Variants in TBC1D9B observed in about 807,000 individuals in gnomAD.
TBC1D9B encodes TBC1 domain family, member 9B (with GRAM domain).
A neutral mutation model predicts 121.1 loss-of-function variants in TBC1D9B; 87 were observed. The ratio of observed to expected loss-of-function variants is 0.72; its 90% CI spans 0.60 to 0.86. The LOEUF (loss-of-function observed/expected upper bound fraction) is 0.86, where lower values mean the gene tolerates loss of function less well. TBC1D9B is among the 40% of genes least tolerant of loss of function. The probability of loss-of-function intolerance (pLI) is 0.00; values close to 1 mark genes in which losing one functional copy is unlikely to be tolerated. For missense variants in TBC1D9B, 1,540 were observed against 1,628.6 expected (o/e 0.95, Z 0.94); for synonymous variants, 668 against 670.1 (o/e 1.00, Z 0.05).
intron 3 of TBC1D9B, among the ~76,000 whole-genome samples, chr5:179,897,521 T>C (rs975951047): frequency 6.6e-6 from 1 of 151,930 alleles, no homozygotes; most frequent in Non-Finnish European, 1.5e-5. Flanking sequence ...GGTTTTGCCA[T>C]GTTGGCAAAG....
chr5:179,863,535 G>A lies in TBC1D9B; in HGVS notation c.3615C>T (p.Asp1205=), dbSNP rs1759909110. The change falls in exon 21 of 21, where the codon GAC becomes GAT. Residue 1205 remains aspartate (D), a synonymous_variant. Transcript: ENST00000355235. This position sits in a 1 kb window ranked among gnomAD's most constrained non-coding sequence, Gnocchi z 4.5. ...VLVNFFEKRV[D]IGLKIKDQKK... Reference sequence around the variant, plus strand: ...TTTGGTCCTTGATCTTGAGTCCAATGTCCACTCTCTTCTCAAAGAAGTTCA... The same window carrying A: ...TTTGGTCCTTGATCTTGAGTCCAATATCCACTCTCTTCTCAAAGAAGTTCA... 5 of 1,614,176 alleles carry A rather than the reference G, an allele frequency of 3.1e-6. No homozygotes were observed. Among genetic ancestry groups the A allele is most frequent in the Non-Finnish European group, 4.2e-6 (5 of 1,180,036 alleles).
chr5:179,864,926 G>A (rs1217460050), intron 20 of TBC1D9B, among the ~76,000 whole-genome samples: 1 of 152,246 alleles, frequency 6.6e-6, no homozygotes, highest in African/African-American at 2.4e-5. Context: ...ATGCATGTGA[G>A]CCTGCGTGTG....
At chr5:179,887,729 C>A (rs775226994) in intron 7 of TBC1D9B, 55 of 277,716 alleles carry the variant, frequency 2.0e-4, no homozygotes, top group Admixed American at 2.2e-4. Flanking sequence ...GCAGTTCTAC[C>A]GTCAAGAACT....
At chr5:179,872,517 G>A (rs1760234185) in intron 14 of TBC1D9B, 1 of 255,820 alleles carries the variant, frequency 3.9e-6, no homozygotes, top group Admixed American at 5.0e-5. Context: ...GAGAACAGCA[G>A]CTTGTGGCAG....
chr5:179,901,228 C>T (rs32462), intron 2 of TBC1D9B, among the ~76,000 whole-genome samples: 46,447 of 152,050 alleles, frequency 0.31, 12,183 homozygotes, highest in African/African-American at 0.72. Context: ...ATCCATAATT[C>T]ACTTTAAACT....
rs1759969494 is a variant in TBC1D9B at position 179,865,129 on chromosome 5, T to C, written c.3021+125A>G. On this transcript the variant is annotated intron_variant, in intron 20 of 20. Coordinates refer to ENST00000355235, the MANE Select transcript of TBC1D9B (RefSeq NM_015043.4). This position sits in a 1 kb window ranked among gnomAD's most constrained non-coding sequence, Gnocchi z 5.1. ...TGACTGGCAACCAGGACTAACGGGC[T>C]CTAGAGGCAGGGAGGAGCCTTCCCA... 1.1e-6 allele frequency: 1 copy of C among 872,896 alleles called. No individual in the cohort carries two copies. The highest frequency in any genetic ancestry group is 1.9e-6 in the Non-Finnish European group (1 of 539,424). 54.1% of individuals were successfully genotyped at this position (872,896 alleles called of 1,614,324 possible).
At chr5:179,870,563 G>A (rs1278838432) in intron 15 of TBC1D9B, 68 bp from the exon 16 acceptor site, 1 of 1,512,796 alleles carries the variant, frequency 6.6e-7, no homozygotes, top group African/African-American at 1.4e-5. Context: ...CCCTAGGCTG[G>A]TGGTGTGTCC....
chr5:179,880,939 C>G (rs116649268), intron 7 of TBC1D9B, among the ~76,000 whole-genome samples: 10 of 152,124 alleles, frequency 6.6e-5, no homozygotes, highest in Middle Eastern at 3.2e-3. Context: ...CCAGAGGGAC[C>G]GACTAGGACA....
At chr5:179,883,104 C>A (rs1760585618) in intron 7 of TBC1D9B, among the ~76,000 whole-genome samples, 1 of 152,188 alleles carries the variant, frequency 6.6e-6, no homozygotes, top group African/African-American at 2.4e-5. Context: ...AGTGATCTGC[C>A]TGCTTCAGCC....
chr5:179,900,187 C>A (rs1392601612), intron 2 of TBC1D9B, among the ~76,000 whole-genome samples: 1 of 152,148 alleles, frequency 6.6e-6, no homozygotes, highest in Non-Finnish European at 1.5e-5. Context: ...CAAAGTGAGA[C>A]CTCGTCTCAA....
chr5:179,869,848 C>G lies in TBC1D9B; in HGVS notation c.2726-14G>C, dbSNP rs773143780. The stretch of plus-strand genomic sequence containing the variant: ...GGTACATCCCGCCTGTGGAGAAGGC[C>G]AGGGAGGGCTGGGTCTGGCAACATG... On this transcript the variant is annotated splice_polypyrimidine_tract_variant and intron_variant, in intron 16 of 20. Transcript: ENST00000355235. 2 of 1,537,982 alleles carry G rather than the reference C, an allele frequency of 1.3e-6. No homozygotes were observed. The highest frequency in any genetic ancestry group is 2.8e-5 in the African/African-American group (2 of 72,566).
chr5:179,891,378 C>T lies in TBC1D9B; in HGVS notation c.1044+1G>A. ...TGGCCTCTCAACTAGGGGATGCTGA[C>T]CTCCCTCAGGGGTATGATGAGGTGG... On this transcript the variant is annotated splice_donor_variant, in intron 6 of 20. Transcript: ENST00000355235. LOFTEE classifies it high-confidence loss of function. This position sits in a 1 kb window ranked among gnomAD's most constrained non-coding sequence, Gnocchi z 4.3. The T allele has an allele frequency of 6.2e-7, 1 of 1,614,212 alleles. No individual in the cohort carries two copies. Among genetic ancestry groups the T allele is most frequent in the Non-Finnish European group, 8.5e-7 (1 of 1,180,030 alleles).
In TBC1D9B at chr5:179,865,906, T is replaced by C; in HGVS notation, c.2864-18A>G. On this transcript the variant is annotated intron_variant, in intron 18 of 20. Coordinates refer to ENST00000355235, the MANE Select transcript of TBC1D9B (RefSeq NM_015043.4). The surrounding 1 kb of genome is among the most constrained non-coding windows in gnomAD (Gnocchi z 5.1). ...TAGTGCTTCTGGACAAACGCAAAAA[T>C]AAAAAGAACATGAATAACATTCTGC... is the stretch of plus-strand genomic sequence containing the variant. 2 of 1,613,720 alleles carry C rather than the reference T, an allele frequency of 1.2e-6. No individual in the cohort carries two copies. The highest frequency in any genetic ancestry group is 1.7e-6 in the Non-Finnish European group (2 of 1,179,818).
chr5:179,894,459 G>T lies in TBC1D9B; in HGVS notation c.504C>A (p.Arg168=). ...NYYSCSYWKG[R]VPRQGWLYLT... is the part of the protein sequence containing the mutation. Reference sequence around the variant, plus strand: ...GGTACAGCCAGCCCTGCCGGGGCACGCGGCCCTTCCAGTAGCTGCAGGAGT... The same window carrying T: ...GGTACAGCCAGCCCTGCCGGGGCACTCGGCCCTTCCAGTAGCTGCAGGAGT... The change falls in exon 4 of 21, where the codon CGC becomes CGA. Residue 168 remains arginine (R), a synonymous_variant. Coordinates refer to ENST00000355235, the MANE Select transcript of TBC1D9B (RefSeq NM_015043.4). 1.9e-6 allele frequency: 3 copies of T among 1,614,184 alleles called. No homozygotes were observed. The highest frequency in any genetic ancestry group is 1.1e-5 in the South Asian group (1 of 91,090).
At chr5:179,892,057 G>A (rs460899) in intron 5 of TBC1D9B, among the ~76,000 whole-genome samples, 2 of 152,140 alleles carry the variant, frequency 1.3e-5, no homozygotes, top group African/African-American at 2.4e-5. Flanking sequence ...TAAAGCATGC[G>A]GCTGCTAACA....
intron 7 of TBC1D9B, among the ~76,000 whole-genome samples, chr5:179,886,529 T>C (rs1760690404): frequency 6.6e-6 from 1 of 152,188 alleles, no homozygotes; most frequent in African/African-American, 2.4e-5. Flanking sequence ...TCTCCACACC[T>C]TTCTTCATGT....
chr5:179,907,736 C>A lies in TBC1D9B; in HGVS notation c.86G>T (p.Arg29Leu). 1 of 1,191,274 alleles carries A rather than the reference C, an allele frequency of 8.4e-7. No homozygotes were observed. The highest frequency in any genetic ancestry group is 1.5e-5 in the South Asian group (1 of 65,278). 73.8% of individuals were successfully genotyped at this position (1,191,274 alleles called of 1,614,324 possible). Residue 29 changes from arginine (R) to leucine (L), a missense_variant, in exon 1 of 21, where the codon CGC (arginine) becomes CTC (leucine). Coordinates refer to ENST00000355235, the MANE Select transcript of TBC1D9B (RefSeq NM_015043.4). This position sits in a 1 kb window ranked among gnomAD's most constrained non-coding sequence, Gnocchi z 5.3. ...RANPFFVLQR[R>L]RGHGRGGGLT... ...GCCGCCGCCCCTGCCGTGGCCCCGG[C>A]GTCGCTGCAGCACGAAGAAGGGGTT...
intron 4 of TBC1D9B, 124 bp from the exon 5 acceptor site, chr5:179,893,591 C>A: frequency 7.4e-7 from 1 of 1,349,112 alleles, no homozygotes; most frequent in Non-Finnish European, 9.9e-7. Context: ...CCTGTGTGCC[C>A]AGGCCTGTCT....
chr5:179,879,968 A>T, intron 7 of TBC1D9B, 179 bp from the exon 8 acceptor site: 1 of 705,796 alleles, frequency 1.4e-6, no homozygotes, highest in Non-Finnish European at 2.3e-6. Flanking sequence ...CTCAGCCCTC[A>T]GCTCCTCTCT....
Sources: gnomAD v4.1 joint callset for allele counts (sites outside exome capture counted in the v4.1 genomes callset) on GRCh38, gnomAD v4.1.1 for gene constraint, Gnocchi (gnomAD v3.1) non-coding constraint, MANE v1.5 for transcripts, NCBI Gene and HGNC (gene_info 2026-07-23, HGNC 2026-07-21) for gene names.